ELP1: variants seen among roughly 807,000 people sequenced by gnomAD.
ELP1 encodes the protein elongator complex protein 1.
A neutral mutation model predicts 183.2 loss-of-function variants in ELP1; 131 were observed. That is an observed-to-expected ratio of 0.72 (90% CI 0.62 to 0.83). The LOEUF (loss-of-function observed/expected upper bound fraction) is 0.83, where lower values mean the gene tolerates loss of function less well. ELP1 is among the 40% of genes least tolerant of loss of function. The pLI, the probability that ELP1 is intolerant of heterozygous loss-of-function variation, is 0.00. For missense variants in ELP1, 1,550 were observed against 1,594.9 expected, an observed-to-expected ratio of 0.97 and a Z score of 0.48; for synonymous variants, 555 against 569.0, an observed-to-expected ratio of 0.98 and a Z score of 0.35.
chr9:108,872,945 T>C (rs190078088), intron 36 of ELP1, among the ~76,000 whole-genome samples: 3 of 152,206 alleles, frequency 2.0e-5, no homozygotes, highest in Non-Finnish European at 1.5e-5. Context: ...GTACAGACTT[T>C]TGGGCAAGAA....
At chr9:108,916,363 G>A (rs995117186) in intron 9 of ELP1, 66 bp from the exon 10 acceptor site, 1 of 1,237,302 alleles carries the variant, frequency 8.1e-7, no homozygotes. Context: ...CTTTATAATA[G>A]CTGTATTTCC....
chr9:108,901,114 G>A lies in ELP1; in HGVS notation c.2014+311C>T, dbSNP rs372424292. Among the ~76,000 whole-genome samples the A allele has an allele frequency of 2.3e-4, 35 of 152,164 alleles. No individual in the cohort carries two copies. In the South Asian group the frequency reaches 3.9e-3, roughly 17 times the overall value. Reference sequence around the variant, plus strand: ...AGACTACACAGAAGGTAAAACATTGGGGATCTACATAGTAATTCCAAATAA... The same window carrying A: ...AGACTACACAGAAGGTAAAACATTGAGGATCTACATAGTAATTCCAAATAA... On this transcript the variant is annotated intron_variant, in intron 18 of 36. Transcript: ENST00000374647.
intron 27 of ELP1, among the ~76,000 whole-genome samples, chr9:108,892,753 G>A (rs886759102): frequency 7.2e-5 from 11 of 152,214 alleles, no homozygotes; most frequent in Non-Finnish European, 1.6e-4. Context: ...TGGGCTAGAG[G>A]AGGGGTGGGA....
At chr9:108,903,807 A>C in intron 14 of ELP1, 138 bp from the exon 15 acceptor site, 2 of 693,876 alleles carry the variant, frequency 2.9e-6, no homozygotes, top group South Asian at 3.0e-5. Flanking sequence ...AAATACATAT[A>C]TACACACCCA....
chr9:108,903,461 A>C, intron 15 of ELP1, 102 bp downstream of exon 15: 1 of 848,518 alleles, frequency 1.2e-6, no homozygotes, highest in Non-Finnish European at 2.0e-6. Context: ...TAGTTAAAAG[A>C]CCTGACAATC....
At chr9:108,900,059 A>G (rs1828710488) in intron 19 of ELP1, among the ~76,000 whole-genome samples, 164 bp from the exon 20 acceptor site, 1 of 152,246 alleles carries the variant, frequency 6.6e-6, no homozygotes, top group South Asian at 2.1e-4. Context: ...TTGACTTTCA[A>G]GAAAAGTTTC....
chr9:108,904,093 G>A (rs10512389), intron 14 of ELP1, among the ~76,000 whole-genome samples: 17,180 of 152,096 alleles, frequency 0.11, 1,406 homozygotes, highest in African/African-American at 0.23. Context: ...AGTTAAAGCA[G>A]CTGGTCTGTA....
chr9:108,889,540 C>A, intron 28 of ELP1, 147 bp from the exon 29 acceptor site: 1 of 732,974 alleles, frequency 1.4e-6, no homozygotes, highest in Middle Eastern at 2.7e-4. Context: ...AGAGTCCTAT[C>A]TTAAATGGCA....
chr9:108,872,498 C>G (rs1827493777), intron 36 of ELP1, among the ~76,000 whole-genome samples: 2 of 152,066 alleles, frequency 1.3e-5, no homozygotes, highest in Non-Finnish European at 2.9e-5. Flanking sequence ...TGGAATAAGA[C>G]TTTATCTTAA....
rs1026109587 is a variant in ELP1, at chr9:108,879,324, A to G, written c.3572+122T>C. 8.2e-5 allele frequency: 62 copies of G among 755,482 alleles called. 1 individual carries two copies. Among genetic ancestry groups the G allele is most frequent in the Middle Eastern group, 7.6e-4 (3 of 3,962 alleles). The allele number at this position is 755,482 out of a possible 1,614,324, so 46.8% of individuals were successfully genotyped here. Reference sequence around the variant, plus strand: ...GAAAGTGTCTGAACAACTTCCACACAGCGCTGAAGAATATTCTCCCCACTC... The same window carrying G: ...GAAAGTGTCTGAACAACTTCCACACGGCGCTGAAGAATATTCTCCCCACTC... On this transcript the variant is annotated intron_variant, in intron 33 of 36. Transcript: ENST00000374647.
At position 108,912,470 on chromosome 9, in the gene ELP1, T is replaced by G. The variant is rs750663365; in HGVS notation, c.983A>C (p.Tyr328Ser). Reference protein sequence around the residue: ...TCVQLWTVGNYHWYLKQSLSF... With the variant: ...TCVQLWTVGNSHWYLKQSLSF... ...TAAACTTTGCTTGAGATACCAGTGATAGTTTCCAACAGTCCAGAGCTGAAC... is the reference window on the plus strand; with the variant it reads ...TAAACTTTGCTTGAGATACCAGTGAGAGTTTCCAACAGTCCAGAGCTGAAC... Residue 328 changes from tyrosine (Y) to serine (S), a missense_variant, in exon 11 of 37, where the codon TAT becomes TCT. By Grantham distance (144) the Tyr-to-Ser change is moderately radical. Coordinates refer to ENST00000374647, the MANE Select transcript of ELP1 (RefSeq NM_003640.5). 6.2e-7 allele frequency: 1 copy of G among 1,613,768 alleles called. No individual in the cohort carries two copies. The highest frequency in any genetic ancestry group is 1.7e-5 in the Admixed American group (1 of 59,992).
At chr9:108,916,629 T>G (rs144431178) in intron 9 of ELP1, among the ~76,000 whole-genome samples, 46 of 152,146 alleles carry the variant, frequency 3.0e-4, no homozygotes, top group Non-Finnish European at 4.4e-4. Flanking sequence ...ATAATAGAAT[T>G]ATGGTTATGT....
intron 10 of ELP1, among the ~76,000 whole-genome samples, chr9:108,914,260 T>G (rs2780336): frequency 0.57 from 86,701 of 151,208 alleles, 25,099 homozygotes; most frequent in South Asian, 0.7. Flanking sequence ...TTAGCCAGGC[T>G]TGGTGGCGGG....
chr9:108,900,299 A>G lies in ELP1; in HGVS notation c.2091T>C (p.Ile697=). Residue 697 remains isoleucine, a synonymous_variant, in exon 19 of 37, where the codon ATT becomes ATC. Transcript: ENST00000374647. ...VLRKVERGSR[I]VTVVPQDTKL... ...TTGTGTCCTGGGGCACAACAGTGAC[A>G]ATCCGTGAACCCCTCTCCACTTTCC... is the stretch of plus-strand genomic sequence containing the variant. 1 of 1,614,180 alleles carries G rather than the reference A, an allele frequency of 6.2e-7. No individual in the cohort carries two copies. Among genetic ancestry groups the G allele is most frequent in the South Asian group, 1.1e-5 (1 of 91,082 alleles).
chr9:108,899,090 A>T (rs1376914612), intron 20 of ELP1, among the ~76,000 whole-genome samples: 1 of 151,982 alleles, frequency 6.6e-6, no homozygotes, highest in Non-Finnish European at 1.5e-5. Context: ...TGAGGTCAGG[A>T]GTTTGAGACC....
At chr9:108,887,052 T>C (rs1185871817) in intron 29 of ELP1, among the ~76,000 whole-genome samples, 3 of 151,292 alleles carry the variant, frequency 2.0e-5, no homozygotes, top group Non-Finnish European at 4.4e-5. Context: ...CTACAAAAAA[T>C]ACAAAAATTA....
At chr9:108,880,529 C>T (rs1827887042) in intron 31 of ELP1, among the ~76,000 whole-genome samples, 2 of 152,078 alleles carry the variant, frequency 1.3e-5, no homozygotes, top group Admixed American at 1.3e-4. Context: ...AGAAAATTAC[C>T]TAAATGTTTC....
chr9:108,895,130 G>A (rs1366481109), intron 25 of ELP1, among the ~76,000 whole-genome samples: 1 of 152,144 alleles, frequency 6.6e-6, no homozygotes, highest in African/African-American at 2.4e-5. Flanking sequence ...ACGCCTGTAA[G>A]CTGAGGTGAG....
chr9:108,916,320 C>A (rs1012936875), intron 9 of ELP1, 23 bp from the exon 10 acceptor site: 3 of 1,561,224 alleles, frequency 1.9e-6, no homozygotes, highest in Admixed American at 3.3e-5. Context: ...AAAGATCTGT[C>A]ATTGGCTTTC....
Sources: gnomAD v4.1 joint callset for allele counts (sites outside exome capture counted in the v4.1 genomes callset) on GRCh38, gnomAD v4.1.1 for gene constraint, MANE v1.5 for transcripts, NCBI Gene and HGNC (gene_info 2026-07-23, HGNC 2026-07-21) for gene names.